Variants in ADAMTS12 observed in about 807,000 individuals in gnomAD.
The protein encoded by ADAMTS12 is A disintegrin and metalloproteinase with thrombospondin motifs 12.
In ADAMTS12, 118 loss-of-function variants were observed where a neutral mutation model predicts 167.8. The ratio of observed to expected loss-of-function variants is 0.70; its 90% CI spans 0.61 to 0.82. The LOEUF is 0.82. Ranked by LOEUF, ADAMTS12 falls within the 40% of genes least tolerant of loss-of-function variation. The pLI is 0.00. For synonymous variants in ADAMTS12, 704 were observed against 716.9 expected, an observed-to-expected ratio of 0.98 and a Z score of 0.29; for missense variants, 1,916 against 1,998.8, an observed-to-expected ratio of 0.96 and a Z score of 0.79.
chr5:33,571,066 C>G (rs1221012932), intron 19 of ADAMTS12, among the ~76,000 whole-genome samples: 1 of 152,114 alleles, frequency 6.6e-6, no homozygotes, highest in African/African-American at 2.4e-5. Context: ...TATATATGCA[C>G]CCAATACAGG....
At chr5:33,807,781 G>A (rs1405105304) in intron 2 of ADAMTS12, among the ~76,000 whole-genome samples, 4 of 152,168 alleles carry the variant, frequency 2.6e-5, no homozygotes, top group African/African-American at 7.2e-5. Flanking sequence ...AAACTTGTGT[G>A]GAATTCAAAG....
chr5:33,805,250 T>C (rs1747180683), intron 2 of ADAMTS12, among the ~76,000 whole-genome samples: 1 of 152,132 alleles, frequency 6.6e-6, no homozygotes, highest in Admixed American at 6.5e-5. Context: ...ACATCAACAA[T>C]CCACAGCTTG....
chr5:33,658,458 A>G, intron 6 of ADAMTS12, 125 bp from the exon 7 acceptor site: 1 of 1,137,684 alleles, frequency 8.8e-7, no homozygotes, highest in Admixed American at 2.6e-5. Flanking sequence ...ATTTTTTAAA[A>G]AGTCTACATG....
intron 17 of ADAMTS12, among the ~76,000 whole-genome samples, chr5:33,591,179 T>G (rs1271160723): frequency 1.3e-5 from 2 of 152,060 alleles, no homozygotes; most frequent in African/African-American, 2.4e-5. Flanking sequence ...TTACTGTAGT[T>G]TGGATATGAG....
intron 3 of ADAMTS12, among the ~76,000 whole-genome samples, chr5:33,694,693 A>G (rs574812477): frequency 2.9e-4 from 44 of 152,322 alleles, no homozygotes; most frequent in African/African-American, 1.0e-3. Context: ...TGCCAGCTAC[A>G]TGCAGTGATG....
intron 16 of ADAMTS12, among the ~76,000 whole-genome samples, chr5:33,596,295 G>C (rs1171389485): frequency 6.6e-6 from 1 of 152,152 alleles, no homozygotes; most frequent in Non-Finnish European, 1.5e-5. Flanking sequence ...AGATCATAGA[G>C]GTAGGAGGTA....
chr5:33,631,821 G>A (rs1216214972), intron 12 of ADAMTS12, among the ~76,000 whole-genome samples: 1 of 152,036 alleles, frequency 6.6e-6, no homozygotes, highest in Non-Finnish European at 1.5e-5. Flanking sequence ...GGGATTTTGG[G>A]GTCTCTTCTG....
At position 33,846,359 on chromosome 5, in the gene ADAMTS12, C is replaced by G. The variant is rs187298163; in HGVS notation, c.489+34760G>C. ...CAGCCACCTAAACATCAGGCTTTCA[C>G]AGTGATTCACTCCTTCCCTCTGTTC... On this transcript the variant is annotated intron_variant, in intron 2 of 23. Coordinates refer to ENST00000504830, the MANE Select transcript of ADAMTS12 (RefSeq NM_030955.4). 2.6e-5 allele frequency among the ~76,000 whole-genome samples: 4 copies of G among 152,338 alleles called. No individual in the cohort carries two copies. The South Asian group carries it at 6.2e-4, about 24-fold the overall frequency.
At position 33,821,279 on chromosome 5, in the gene ADAMTS12, T is replaced by C. The variant is rs559974424; in HGVS notation, c.489+59840A>G. Among the ~76,000 whole-genome samples, 7 of 152,322 alleles carry C rather than the reference T, an allele frequency of 4.6e-5. No individual in the cohort carries two copies. The South Asian group carries it at 1.4e-3, about 32-fold the overall frequency. The stretch of plus-strand genomic sequence containing the variant: ...ATGTATTGCTTTTCATATTTAGCAA[T>C]CTTATGAATTCCTTTATTTACTTTC... On this transcript the variant is annotated intron_variant, in intron 2 of 23. Coordinates refer to ENST00000504830, the MANE Select transcript of ADAMTS12 (RefSeq NM_030955.4).
Position 33,684,054 on chromosome 5 carries a change from G to A in ADAMTS12, c.636C>T (p.Asp212=), listed in dbSNP as rs764103851. The A allele has an allele frequency of 6.4e-7, 1 of 1,566,550 alleles. No homozygotes were observed. The highest frequency in any genetic ancestry group is 8.6e-7 in the Non-Finnish European group (1 of 1,156,994). Reference sequence around the variant, plus strand: ...CTTGCTTCTGGGAGATGTTAACACTGTCTAAACAGTAAACAGAAGACAATG... The same window carrying A: ...CTTGCTTCTGGGAGATGTTAACACTATCTAAACAGTAAACAGAAGACAATG... ...ETKEPTCGLK[D]SVNISQKQEL... is the part of the protein sequence containing the mutation. The change falls in exon 4 of 24, where the codon GAC becomes GAT. Residue 212 remains aspartate, a splice_region_variant and synonymous_variant. Coordinates refer to ENST00000504830, the MANE Select transcript of ADAMTS12 (RefSeq NM_030955.4).
chr5:33,792,247 C>T (rs905720267), intron 2 of ADAMTS12, among the ~76,000 whole-genome samples: 2 of 152,118 alleles, frequency 1.3e-5, no homozygotes, highest in Non-Finnish European at 2.9e-5. Flanking sequence ...CTGCCTGCCT[C>T]GGCATCCCAA....
intron 23 of ADAMTS12, among the ~76,000 whole-genome samples, chr5:33,528,085 G>GAA (rs1174112774): frequency 1.6e-5 from 2 of 122,162 alleles, no homozygotes; most frequent in Admixed American, 8.6e-5. Context: ...TACTCAACCA[G>GAA]AAAAAAAAAA....
chr5:33,576,739 G>A lies in ADAMTS12; in HGVS notation c.3287C>T (p.Ser1096Phe), dbSNP rs1335142673. The change falls in exon 19 of 24, where the codon TCC becomes TTC. Residue 1096 changes from serine (S) to phenylalanine (F), a missense_variant. By Grantham distance (155) the Ser-to-Phe change is radical. Transcript: ENST00000504830. Reference sequence around the variant, plus strand: ...TTCCTCACTTGGCTGAATGCTCAAGGATTGGGAAGTGAGGATGGGCTGGGA... The same window carrying A: ...TTCCTCACTTGGCTGAATGCTCAAGAATTGGGAAGTGAGGATGGGCTGGGA... ...STSQPILTSQSLSIQPSEENV... is the reference protein window; with the variant it reads ...STSQPILTSQFLSIQPSEENV... 3 of 1,614,242 alleles carry A rather than the reference G, an allele frequency of 1.9e-6. No homozygotes were observed. The highest frequency in any genetic ancestry group is 2.2e-5 in the East Asian group (1 of 44,880).
intron 3 of ADAMTS12, among the ~76,000 whole-genome samples, chr5:33,712,542 G>A (rs774802275): frequency 6.6e-6 from 1 of 152,158 alleles, no homozygotes; most frequent in Non-Finnish European, 1.5e-5. Context: ...CAGAGATTCA[G>A]TTGAAGGTAC....
intron 11 of ADAMTS12, among the ~76,000 whole-genome samples, chr5:33,641,341 T>A (rs1169256456): frequency 6.6e-6 from 1 of 152,158 alleles, no homozygotes; most frequent in Admixed American, 6.5e-5. Flanking sequence ...ATAATTGTCC[T>A]CAAAAATGTA....
rs769058720 is a variant in ADAMTS12, at chr5:33,759,633, TG to T, written c.490-8086del. 5.7e-4 allele frequency among the ~76,000 whole-genome samples: 87 copies of T among 152,322 alleles called. 1 individual carries two copies. Among genetic ancestry groups the T allele is most frequent in the Admixed American group, 2.5e-3 (39 of 15,298 alleles). ...GACTAAATCAGTCATTTCCTTATCC[TG>T]AAGTATGGTTAACATAGTTGTTTAT... is the stretch of plus-strand genomic sequence containing the variant. On this transcript the variant is annotated intron_variant, in intron 2 of 23. Coordinates refer to ENST00000504830, the MANE Select transcript of ADAMTS12 (RefSeq NM_030955.4).
intron 3 of ADAMTS12, among the ~76,000 whole-genome samples, chr5:33,684,662 G>C (rs1742258050): frequency 6.6e-6 from 1 of 152,114 alleles, no homozygotes; most frequent in Admixed American, 6.5e-5. Context: ...AAAGGTTCCA[G>C]GCATTCCACT....
At chr5:33,868,893 T>A (rs1365494195) in intron 2 of ADAMTS12, among the ~76,000 whole-genome samples, 1 of 152,298 alleles carries the variant, frequency 6.6e-6, no homozygotes, top group Admixed American at 6.5e-5. Flanking sequence ...TGGACACCTC[T>A]TTTTAAAAGG....
intron 2 of ADAMTS12, among the ~76,000 whole-genome samples, chr5:33,859,119 T>C (rs1251046745): frequency 6.6e-6 from 1 of 152,168 alleles, no homozygotes; most frequent in Non-Finnish European, 1.5e-5. Flanking sequence ...GCAGGAGTTT[T>C]TTCATACCCC....
Sources: allele counts gnomAD v4.1 joint callset (sites outside exome capture counted in the v4.1 genomes callset), GRCh38; gene constraint gnomAD v4.1.1; transcripts MANE v1.5; gene names NCBI Gene and HGNC (gene_info 2026-07-23, HGNC 2026-07-21).